Variants in PPIG observed in about 807,000 individuals in gnomAD.
PPIG encodes peptidylprolyl isomerase G, also known as peptidyl-prolyl cis-trans isomerase G.
A neutral mutation model predicts 87.9 loss-of-function variants in PPIG; 26 were observed. The observed-to-expected ratio is 0.30, with a 90% CI of 0.22 to 0.41. PPIG has a LOEUF of 0.41. Among genes scored for constraint, PPIG ranks in the 10% least tolerant of loss-of-function variants. The probability of loss-of-function intolerance (pLI) is 1.00; values close to 1 mark genes in which losing one functional copy is unlikely to be tolerated. For missense variants in PPIG, 722 were observed against 879.4 expected (o/e 0.82, Z 2.26); for synonymous variants, 308 against 276.5 (o/e 1.11, Z -1.13).
chr2:169,628,939 CAAAAAAAAAAAAAA>C (rs71006010), intron 9 of PPIG, among the ~76,000 whole-genome samples: 77 of 92,340 alleles, frequency 8.3e-4, no homozygotes, highest in Admixed American at 3.6e-3. Context: ...ACCCTGTCTC[CAAAAAAAAAAAAAA>C]AAAAAAAAAA....
At chr2:169,589,601 GA>G (rs1684803518) in intron 1 of PPIG, among the ~76,000 whole-genome samples, 1 of 152,096 alleles carries the variant, frequency 6.6e-6, no homozygotes, top group Admixed American at 6.6e-5. Flanking sequence ...TAGCAGATAA[GA>G]ATAATCCTTT....
chr2:169,636,171 T>C lies in PPIG; in HGVS notation c.1097T>C (p.Met366Thr). The C allele has an allele frequency of 1.2e-6, 2 of 1,613,094 alleles. No individual in the cohort carries two copies. Among genetic ancestry groups the C allele is most frequent in the Non-Finnish European group, 1.7e-6 (2 of 1,179,702 alleles). ...SETPPHWRQE[M>T]QRAQRMRVSS... ...ACTCCTCCACATTGGAGGCAAGAGA[T>C]GCAGAGAGCTCAAAGAATGAGGGTA... Residue 366 changes from methionine to threonine, a missense_variant, in exon 13 of 14, where the codon ATG (methionine) becomes ACG (threonine). Transcript: ENST00000260970.
chr2:169,606,251 C>A, intron 5 of PPIG, 105 bp downstream of exon 5: 1 of 816,408 alleles, frequency 1.2e-6, no homozygotes, highest in Non-Finnish European at 2.1e-6. Context: ...CACTCTCACT[C>A]CATTTAATCT....
intron 9 of PPIG, among the ~76,000 whole-genome samples, chr2:169,625,826 A>C (rs922787221): frequency 3.9e-5 from 6 of 152,112 alleles, no homozygotes; most frequent in Admixed American, 1.3e-4. Flanking sequence ...TTTCAGGATG[A>C]AACTGTTCCA....
chr2:169,587,178 C>G (rs943994991), intron 1 of PPIG, among the ~76,000 whole-genome samples: 9 of 151,994 alleles, frequency 5.9e-5, no homozygotes, highest in African/African-American at 2.2e-4. Context: ...AGTAATCCAT[C>G]CGCCTCCGCC....
At chr2:169,635,599 T>C (rs1428696003) in intron 12 of PPIG, among the ~76,000 whole-genome samples, 2 of 152,210 alleles carry the variant, frequency 1.3e-5, no homozygotes, top group Non-Finnish European at 2.9e-5. Context: ...TAAGAGTGTT[T>C]GGTCATCCTA....
At position 169,637,399 on chromosome 2, in the gene PPIG, T is replaced by C; in HGVS notation, c.2141T>C (p.Ile714Thr). 1 of 1,612,882 alleles carries C rather than the reference T, an allele frequency of 6.2e-7. No individual in the cohort carries two copies. The highest frequency in any genetic ancestry group is 8.5e-7 in the Non-Finnish European group (1 of 1,179,782). Reference protein sequence around the residue: ...SMLKNKEDEKIRSSVEKENQK... With the variant: ...SMLKNKEDEKTRSSVEKENQK... ...TTGAAAAATAAGGAGGATGAGAAGA[T>C]CAGATCCTCAGTGGAAAAAGAAAAC... The change falls in exon 14 of 14, where the codon ATC becomes ACC. Residue 714 changes from isoleucine to threonine, a missense_variant. Around this residue, in one of 4 missense-constraint regions of PPIG, gnomAD observed 476 missense variants for 483.1 expected, o/e 0.99. Transcript: ENST00000260970.
chr2:169,597,376 C>G (rs1317267818), intron 1 of PPIG, among the ~76,000 whole-genome samples: 4 of 152,124 alleles, frequency 2.6e-5, no homozygotes. Flanking sequence ...TCACTGCAGC[C>G]TCAAAATCCT....
At chr2:169,623,205 G>T (rs1466155935) in intron 9 of PPIG, among the ~76,000 whole-genome samples, 2 of 152,184 alleles carry the variant, frequency 1.3e-5, no homozygotes, top group South Asian at 2.1e-4. Context: ...TCAGCAAAGG[G>T]CTGTCAAAAG....
chr2:169,604,334 T>G lies in PPIG; in HGVS notation c.136+73T>G, dbSNP rs769883921. ...GGCTTGCTTGCTTGCTTGGTTTTTT[T>G]TTTTTTTTTTTTTTTTTTTTTGAGA... On this transcript the variant is annotated intron_variant, in intron 4 of 13. Transcript: ENST00000260970. 4.7e-5 allele frequency: 49 copies of G among 1,053,376 alleles called. 1 individual carries two copies. Among genetic ancestry groups the G allele is most frequent in the Admixed American group, 1.0e-4 (4 of 39,590 alleles). 65.3% of individuals were successfully genotyped at this position (1,053,376 alleles called of 1,614,324 possible).
chr2:169,597,309 A>G (rs1685045524), intron 1 of PPIG, among the ~76,000 whole-genome samples: 1 of 151,742 alleles, frequency 6.6e-6, no homozygotes, highest in African/African-American at 2.4e-5. Flanking sequence ...GTAAAATTTA[A>G]TTTAATTTTG....
At chr2:169,609,518 T>C (rs75173877) in intron 7 of PPIG, among the ~76,000 whole-genome samples, 4,140 of 152,274 alleles carry the variant, frequency 0.027, 76 homozygotes, top group East Asian at 0.1. Context: ...TAAATTGTTC[T>C]GCTAATGTTT....
chr2:169,615,541 T>G (rs1685589445), intron 9 of PPIG, among the ~76,000 whole-genome samples: 1 of 152,242 alleles, frequency 6.6e-6, no homozygotes, highest in African/African-American at 2.4e-5. Flanking sequence ...GTTTTTAGAT[T>G]CCACATGTAA....
chr2:169,598,776 T>TTA (rs1277486599), intron 1 of PPIG, among the ~76,000 whole-genome samples: 1 of 148,440 alleles, frequency 6.7e-6, no homozygotes, highest in African/African-American at 2.5e-5. Flanking sequence ...ATATATCAAA[T>TTA]TATATATACA....
intron 11 of PPIG, 60 bp from the exon 12 acceptor site, chr2:169,633,100 A>G (rs1686099985): frequency 8.0e-7 from 1 of 1,254,154 alleles, no homozygotes; most frequent in Non-Finnish European, 1.2e-6. Context: ...TTAAAGTAAC[A>G]TGTCTGGCCA....
intron 1 of PPIG, among the ~76,000 whole-genome samples, chr2:169,600,130 A>AGT (rs1685139219): frequency 6.6e-6 from 1 of 151,010 alleles, no homozygotes; most frequent in East Asian, 2.0e-4. Context: ...GCTGGAGTAC[A>AGT]GTGGCTTGAT....
intron 9 of PPIG, among the ~76,000 whole-genome samples, chr2:169,625,138 A>ACAT (rs1685850905): frequency 6.6e-6 from 1 of 152,222 alleles, no homozygotes; most frequent in African/African-American, 2.4e-5. Flanking sequence ...AATGTACAAT[A>ACAT]CATTATTATT....
At position 169,613,975 on chromosome 2, in the gene PPIG, A is replaced by G. The variant is rs527880321; in HGVS notation, c.378-489A>G. Among the ~76,000 whole-genome samples the G allele has an allele frequency of 4.6e-5, 7 of 152,310 alleles. No individual in the cohort carries two copies. The South Asian group carries it at 1.4e-3, about 32-fold the overall frequency. On this transcript the variant is annotated intron_variant, in intron 7 of 13. Transcript: ENST00000260970. ...AAAACTTGTAAACACGATATGAACC[A>G]TTTCTGTTCAAGTCCAACAGTATAT... is the stretch of plus-strand genomic sequence containing the variant.
At chr2:169,608,519 C>T in intron 6 of PPIG, 152 bp from the exon 7 acceptor site, 1 of 465,144 alleles carries the variant, frequency 2.1e-6, no homozygotes, top group South Asian at 2.7e-5. Context: ...GAAATTGATT[C>T]ATATTTGATT....
Sources: allele counts gnomAD v4.1 joint callset (sites outside exome capture counted in the v4.1 genomes callset), GRCh38; gene constraint gnomAD v4.1.1; regional missense constraint gnomAD v4.1.1; transcripts MANE v1.5; gene names NCBI Gene and HGNC (gene_info 2026-07-23, HGNC 2026-07-21).